The following RAC2 variants were observed in gnomAD, a reference collection of about 807,000 sequenced individuals.
RAC2 encodes ras-related C3 botulinum toxin substrate 2.
RAC2 carries 1 observed loss-of-function variant against 24.0 expected under a neutral mutation model. That is an observed-to-expected ratio of 0.04 (90% CI 0.01 to 0.20). The LOEUF is 0.20. Among genes scored for constraint, RAC2 ranks in the 10% least tolerant of loss-of-function variants. The pLI is 1.00. For synonymous variants in RAC2, 114 were observed against 106.8 expected (o/e 1.07, Z -0.41); for missense variants, 130 against 259.1 (o/e 0.50, Z 3.42).
intron 5 of RAC2, among the ~76,000 whole-genome samples, chr22:37,230,388 C>T (rs546045065): frequency 7.0e-4 from 107 of 152,188 alleles, no homozygotes; most frequent in African/African-American, 2.1e-3. Context: ...CCAAACCCAG[C>T]TGGTGGTTTT....
At chr22:37,230,375 T>C (rs1243184761) in intron 5 of RAC2, among the ~76,000 whole-genome samples, 3 of 152,112 alleles carry the variant, frequency 2.0e-5, no homozygotes, top group Non-Finnish European at 4.4e-5. Context: ...ACAGCTCATA[T>C]GACCAAACCC....
chr22:37,231,803 T>C lies in RAC2; in HGVS notation c.288+129A>G. ...CTCAAGTCCCTCTGCCAGCCCTGGTTGGCACTGGGGACCCTCTCTGTATGC... is the reference window on the plus strand; with the variant it reads ...CTCAAGTCCCTCTGCCAGCCCTGGTCGGCACTGGGGACCCTCTCTGTATGC... On this transcript the variant is annotated intron_variant, in intron 4 of 6. Coordinates refer to ENST00000249071, the MANE Select transcript of RAC2 (RefSeq NM_002872.5). The surrounding 1 kb of genome is among the most constrained non-coding windows in gnomAD (Gnocchi z 5.5). The C allele has an allele frequency of 9.1e-7, 1 of 1,099,094 alleles. No homozygotes were observed. Among genetic ancestry groups the C allele is most frequent in the Non-Finnish European group, 1.3e-6 (1 of 749,646 alleles). The allele number at this position is 1,099,094 out of a possible 1,614,324, so 68.1% of individuals were successfully genotyped here. A position where few individuals can be genotyped will look rare whatever the true frequency, so the allele number is the denominator to read the frequency against.
chr22:37,231,379 T>C lies in RAC2; in HGVS notation c.300A>G (p.Glu100=), dbSNP rs774474267. 9.3e-6 allele frequency: 15 copies of C among 1,613,860 alleles called. No homozygotes were observed. In the South Asian group the frequency reaches 1.6e-4, roughly 18 times the overall value. ...GTGTGCTGGGGCAGTGGTGCCGCAC[T>C]TCTGGGAACCACTGGGCAGGTGGGT... is the stretch of plus-strand genomic sequence containing the variant. ...YENVRAKWFP[E]VRHHCPSTPI... Residue 100 remains glutamate, a synonymous_variant, in exon 5 of 7, where the codon GAA becomes GAG. Transcript: ENST00000249071. This position sits in a 1 kb window ranked among gnomAD's most constrained non-coding sequence, Gnocchi z 5.5.
At chr22:37,236,069 G>A (rs960531323) in intron 2 of RAC2, among the ~76,000 whole-genome samples, 2 of 152,210 alleles carry the variant, frequency 1.3e-5, no homozygotes, top group East Asian at 3.8e-4. Flanking sequence ...GGGAAGCCAG[G>A]ACATCCTGGC....
At chr22:37,235,058 G>T (rs1320413507) in intron 2 of RAC2, among the ~76,000 whole-genome samples, 2 of 152,114 alleles carry the variant, frequency 1.3e-5, no homozygotes, top group African/African-American at 4.8e-5. Flanking sequence ...ACAGTCTCAG[G>T]CCTGTCACCC....
At chr22:37,233,975 C>T (rs376102817) in intron 2 of RAC2, among the ~76,000 whole-genome samples, 4 of 152,200 alleles carry the variant, frequency 2.6e-5, no homozygotes, top group East Asian at 1.9e-4. Context: ...GGAAGGGCCA[C>T]GGCAAACGGT....
chr22:37,232,049 A>G, intron 3 of RAC2, 55 bp from the exon 4 acceptor site: 5 of 1,533,664 alleles, frequency 3.3e-6, no homozygotes, highest in South Asian at 2.4e-5. Context: ...GTGTCCCACC[A>G]TGGCAGCCAC....
At chr22:37,238,577 G>A (rs534748127) in intron 2 of RAC2, among the ~76,000 whole-genome samples, 1 of 152,268 alleles carries the variant, frequency 6.6e-6, no homozygotes, top group African/African-American at 2.4e-5. Context: ...GGCTTCCGTC[G>A]AGCTTGGTTC....
chr22:37,225,664 G>C lies in RAC2; in HGVS notation c.*378C>G, dbSNP rs1303617666. ...CATCCCTGAAGGTACACAAGTTGTG[G>C]CAGCAACCATCTGGCCTGCAGTTTC... On this transcript the variant is annotated 3_prime_UTR_variant, in exon 7 of 7. Transcript: ENST00000249071. 1 of 152,326 alleles carries C rather than the reference G, an allele frequency of 6.6e-6. No individual in the cohort carries two copies. The highest frequency in any genetic ancestry group is 1.5e-5 in the Non-Finnish European group (1 of 68,112). 9.4% of individuals were successfully genotyped at this position (152,326 alleles called of 1,614,324 possible).
intron 2 of RAC2, among the ~76,000 whole-genome samples, chr22:37,235,419 C>A (rs1927193461): frequency 1.3e-5 from 2 of 152,188 alleles, no homozygotes; most frequent in South Asian, 4.1e-4. Flanking sequence ...ATCCCTCCAG[C>A]CCCTGCTCAA....
chr22:37,242,042 A>G (rs1927414279), intron 1 of RAC2, among the ~76,000 whole-genome samples: 1 of 152,196 alleles, frequency 6.6e-6, no homozygotes, highest in East Asian at 1.9e-4. Context: ...ACCACCTACC[A>G]GTGGTATGAT....
intron 2 of RAC2, among the ~76,000 whole-genome samples, chr22:37,235,500 C>A (rs1373148048): frequency 1.3e-5 from 2 of 152,334 alleles, no homozygotes; most frequent in East Asian, 1.9e-4. Flanking sequence ...TAAACCAGCA[C>A]TCCTTGGGGA....
intron 2 of RAC2, chr22:37,240,775 A>G (rs1569092609): frequency 6.0e-6 from 3 of 497,418 alleles, no homozygotes; most frequent in East Asian, 6.7e-5. Context: ...AGGAGGGGGC[A>G]CTGGAGCTGC....
intron 5 of RAC2, 77 bp from the exon 6 acceptor site, chr22:37,226,880 T>A (rs1926856120): frequency 2.7e-5 from 43 of 1,564,136 alleles, no homozygotes; most frequent in Non-Finnish European, 2.2e-5. Context: ...TCCTATGCCA[T>A]ACAACCCCTT....
chr22:37,232,792 G>T lies in RAC2; in HGVS notation c.225+9C>A. On this transcript the variant is annotated intron_variant, in intron 3 of 6. Transcript: ENST00000249071. The stretch of plus-strand genomic sequence containing the variant: ...GGTCAGGACTGCAAGGCAGGTGGGA[G>T]CAGCACACCGTCTGTGGATAGGAGA... 1 of 1,604,744 alleles carries T rather than the reference G, an allele frequency of 6.2e-7. No homozygotes were observed. The highest frequency in any genetic ancestry group is 8.5e-7 in the Non-Finnish European group (1 of 1,171,954).
intron 2 of RAC2, among the ~76,000 whole-genome samples, chr22:37,239,153 C>G (rs1927319625): frequency 6.6e-6 from 1 of 152,166 alleles, no homozygotes; most frequent in African/African-American, 2.4e-5. Context: ...TTGGCAGTAG[C>G]AGGATCCCGC....
chr22:37,241,499 T>C (rs909502979), intron 2 of RAC2, 88 bp downstream of exon 2: 17 of 1,363,992 alleles, frequency 1.2e-5, no homozygotes, highest in Admixed American at 1.7e-5. Context: ...ACACAGGGTC[T>C]GGCCCACAGG....
chr22:37,237,437 TA>T (rs1461918193), intron 2 of RAC2, among the ~76,000 whole-genome samples: 1 of 151,898 alleles, frequency 6.6e-6, no homozygotes, highest in African/African-American at 2.4e-5. Flanking sequence ...GTGCCTGAGC[TA>T]AGGCAGAGGC....
rs1030563928 is a variant in RAC2 at position 37,231,488 on chromosome 22, G to C, written c.289-98C>G. The C allele has an allele frequency of 9.2e-6, 11 of 1,198,832 alleles. No homozygotes were observed. Among genetic ancestry groups the C allele is most frequent in the East Asian group, 2.4e-5 (1 of 42,228 alleles). The allele number at this position is 1,198,832 out of a possible 1,614,324, so 74.3% of individuals were successfully genotyped here. A position where few individuals can be genotyped will look rare whatever the true frequency, so the allele number is the denominator to read the frequency against. On this transcript the variant is annotated intron_variant, in intron 4 of 6. Coordinates refer to ENST00000249071, the MANE Select transcript of RAC2 (RefSeq NM_002872.5). This position sits in a 1 kb window ranked among gnomAD's most constrained non-coding sequence, Gnocchi z 5.5. ...GGAGTGTGAGGGTGTAGGGAGAGGAGAGGCAGCAAGTTGCCAGAAGATCAG... is the reference window on the plus strand; with the variant it reads ...GGAGTGTGAGGGTGTAGGGAGAGGACAGGCAGCAAGTTGCCAGAAGATCAG...
Sources: allele counts gnomAD v4.1 joint callset (sites outside exome capture counted in the v4.1 genomes callset), GRCh38; gene constraint gnomAD v4.1.1; non-coding constraint Gnocchi (gnomAD v3.1); transcripts MANE v1.5; gene names NCBI Gene and HGNC (gene_info 2026-07-23, HGNC 2026-07-21).